Variants in COL6A5 observed in about 807,000 individuals in gnomAD.
The protein encoded by COL6A5 is collagen alpha-5(VI) chain.
A neutral mutation model predicts 65.6 loss-of-function variants in COL6A5; 48 were observed. The observed-to-expected ratio is 0.73, with a 90% CI of 0.58 to 0.93. COL6A5 has a LOEUF of 0.93. COL6A5 is among the 40% of genes least tolerant of loss of function. The pLI, the probability that COL6A5 is intolerant of heterozygous loss-of-function variation, is 0.00. For missense variants in COL6A5, 914 were observed against 928.3 expected, an observed-to-expected ratio of 0.98 and a Z score of 0.20; for synonymous variants, 291 against 322.8, an observed-to-expected ratio of 0.90 and a Z score of 1.05.
chr3:130,474,676 G>A (rs1710043723), intron 7 of COL6A5, among the ~76,000 whole-genome samples: 1 of 151,964 alleles, frequency 6.6e-6, no homozygotes, highest in African/African-American at 2.4e-5. Context: ...AACATTCACT[G>A]GATGAGCTTA....
intron 5 of COL6A5, among the ~76,000 whole-genome samples, chr3:130,385,688 T>C (rs1936162610): frequency 1.3e-5 from 2 of 152,062 alleles, no homozygotes; most frequent in African/African-American, 4.8e-5. Context: ...TGTGTATGTA[T>C]GTGCATACAC....
chr3:130,428,865 TTAA>T (rs1290726223), upstream of COL6A5, among the ~76,000 whole-genome samples: 2 of 152,306 alleles, frequency 1.3e-5, no homozygotes, highest in African/African-American at 4.8e-5. Flanking sequence ...GTTGCCAGTA[TTAA>T]TAATATCTTT....
intron 1 of COL6A5, among the ~76,000 whole-genome samples, chr3:130,370,017 G>A (rs79193039): frequency 1.0e-3 from 152 of 152,220 alleles, no homozygotes; most frequent in Non-Finnish European, 1.7e-3. Context: ...TTGGAGTTTC[G>A]TTGGGCCCCA....
At chr3:130,455,963 G>A (rs532295052) in intron 5 of COL6A5, among the ~76,000 whole-genome samples, 15 of 152,204 alleles carry the variant, frequency 9.9e-5, no homozygotes, top group African/African-American at 3.6e-4. Context: ...AAGCAGTATA[G>A]TGAACATCAG....
At chr3:130,481,139 C>T (rs1232780624) in intron 7 of COL6A5, among the ~76,000 whole-genome samples, 2 of 151,536 alleles carry the variant, frequency 1.3e-5, no homozygotes, top group Non-Finnish European at 2.9e-5. Context: ...GGTGGTTTGC[C>T]ACACCCATCA....
chr3:130,407,387 C>A (rs1009936048), intron 17 of COL6A5, among the ~76,000 whole-genome samples: 2 of 152,138 alleles, frequency 1.3e-5, no homozygotes, highest in African/African-American at 4.8e-5. Context: ...AGATTTTAAG[C>A]AGAAGAATCA....
exon 1 of COL6A5, chr3:130,345,719 C>T (rs1934436339): frequency 2.5e-6 from 1 of 398,584 alleles, no homozygotes; most frequent in Admixed American, 4.4e-5. Flanking sequence ...AGGGAAGAGC[C>T]AGGCCAAGGG....
intron 10 of COL6A5, among the ~76,000 whole-genome samples, chr3:130,399,527 C>T (rs988132848): frequency 3.3e-5 from 5 of 151,712 alleles, no homozygotes; most frequent in Non-Finnish European, 4.4e-5. Context: ...CCTGCCACCA[C>T]GCTTGGCTAA....
At chr3:130,409,487 GT>G in intron 18 of COL6A5, 99 bp downstream of exon 18, 1 of 1,034,566 alleles carries the variant, frequency 9.7e-7, no homozygotes, top group Non-Finnish European at 1.4e-6. Flanking sequence ...TAGGCAAATG[GT>G]TGTCTTAGGA....
exon 1 of COL6A5, chr3:130,431,842 A>G: frequency 6.4e-7 from 1 of 1,551,626 alleles, no homozygotes; most frequent in Non-Finnish European, 8.7e-7. Context: ...CAATGGTCAA[A>G]CAGCCAGTAG....
At chr3:130,469,216 G>A in exon 6 of COL6A5, 1 of 1,613,214 alleles carries the variant, frequency 6.2e-7, no homozygotes, top group Non-Finnish European at 8.5e-7. Context: ...CCCCCAATCT[G>A]AGGAAAAACA....
chr3:130,418,970 G>A (rs1365289595), intron 25 of COL6A5, 39 bp downstream of exon 25: 2 of 1,517,626 alleles, frequency 1.3e-6, no homozygotes, highest in Admixed American at 2.0e-5. Context: ...CCAGATCTGG[G>A]TATTCAGTTC....
intron 1 of COL6A5, 138 bp from the exon 34 acceptor site, chr3:130,439,384 T>A (rs1709115259): frequency 5.6e-5 from 30 of 533,518 alleles, no homozygotes; most frequent in Non-Finnish European, 7.9e-5. Flanking sequence ...TGTGTGAACA[T>A]GCACTGAATG....
chr3:130,382,892 G>C (rs79486701), intron 4 of COL6A5, among the ~76,000 whole-genome samples: 8,361 of 152,094 alleles, frequency 0.055, 350 homozygotes, highest in Non-Finnish European at 0.081. Context: ...CCAGGGGCTT[G>C]GACATTCACA....
Position 130,440,150 on chromosome 3 carries a change from C to T in COL6A5, c.582-16C>T, listed in dbSNP as rs748552841. On this transcript the variant is annotated splice_polypyrimidine_tract_variant and intron_variant, in intron 2 of 7. Coordinates refer to ENST00000512836, the Ensembl canonical transcript of COL6A5. ...TCAGTGTTGAACCAATGATGTGTCT[C>T]TCTGTGTGTTTTCAGATAAATGTTT... The T allele has an allele frequency of 3.1e-6, 5 of 1,596,442 alleles. No individual in the cohort carries two copies. The highest frequency in any genetic ancestry group is 4.3e-6 in the Non-Finnish European group (5 of 1,170,434).
intron 7 of COL6A5, among the ~76,000 whole-genome samples, chr3:130,481,732 A>G (rs143414720): frequency 0.99 from 151,446 of 152,272 alleles, 75,313 homozygotes; most frequent in East Asian, 1. Context: ...TTTAATGATC[A>G]CCAATCTAAC....
exon 4 of COL6A5, chr3:130,443,529 A>G (rs746325091): frequency 1.2e-6 from 2 of 1,611,328 alleles, no homozygotes; most frequent in African/African-American, 1.3e-5. Flanking sequence ...TAGACTCATC[A>G]ATTTAGGAGG....
chr3:130,423,093 G>C lies in COL6A5; in HGVS notation c.5100+311G>C, dbSNP rs576974527. Among the ~76,000 whole-genome samples the C allele has an allele frequency of 1.7e-4, 26 of 152,130 alleles. No homozygotes were observed. In the South Asian group the frequency reaches 5.4e-3, roughly 32 times the overall value. On this transcript the variant is annotated intron_variant and NMD_transcript_variant, in intron 28 of 41. Transcript: ENST00000312481. ...TGCCTTCCAGTCTTTTCTAAGGCGC[G>C]TATTAAATCTTGGCATATTAACCCT...
chr3:130,399,933 T>A (rs1936759649), intron 10 of COL6A5, among the ~76,000 whole-genome samples: 2 of 151,810 alleles, frequency 1.3e-5, no homozygotes, highest in Non-Finnish European at 2.9e-5. Context: ...TTTTTTGTAT[T>A]TTTAGTAGAA....
Sources: allele counts gnomAD v4.1 joint callset (sites outside exome capture counted in the v4.1 genomes callset), GRCh38; gene constraint gnomAD v4.1.1; transcripts MANE v1.5; gene names NCBI Gene and HGNC (gene_info 2026-07-23, HGNC 2026-07-21).